The following CNTN5 variants were observed in gnomAD, a reference collection of about 807,000 sequenced individuals.
CNTN5 encodes contactin-5.
A neutral mutation model predicts 129.1 loss-of-function variants in CNTN5; 77 were observed. The ratio of observed to expected loss-of-function variants is 0.60; its 90% CI spans 0.50 to 0.72. CNTN5 has a LOEUF of 0.72. Among genes scored for constraint, CNTN5 ranks in the 30% least tolerant of loss-of-function variants. The pLI is 0.00. For missense variants in CNTN5, 1,478 were observed against 1,328.8 expected (o/e 1.11, Z -1.75); for synonymous variants, 509 against 465.6 (o/e 1.09, Z -1.20).
At chr11:99,678,155 CATT>C (rs1953382203) in intron 3 of CNTN5, among the ~76,000 whole-genome samples, 2 of 152,110 alleles carry the variant, frequency 1.3e-5, no homozygotes, top group South Asian at 4.1e-4. Context: ...TACACACACA[CATT>C]ATAAAAGTAT....
chr11:100,234,565 T>A (rs1949566047), intron 16 of CNTN5, among the ~76,000 whole-genome samples: 1 of 151,368 alleles, frequency 6.6e-6, no homozygotes. Context: ...CACCACATGT[T>A]CTCACTCATA....
chr11:100,177,259 C>T (rs1199437846), intron 13 of CNTN5, among the ~76,000 whole-genome samples: 1 of 152,094 alleles, frequency 6.6e-6, no homozygotes, highest in Non-Finnish European at 1.5e-5. Flanking sequence ...AGTGAGATGT[C>T]AGCTCCTCTG....
intron 21 of CNTN5, among the ~76,000 whole-genome samples, chr11:100,322,228 C>CT (rs1477178718): frequency 0.035 from 4,994 of 144,480 alleles, 295 homozygotes; most frequent in African/African-American, 0.12. Flanking sequence ...GTAATGCCGT[C>CT]TTTTTTTTTT....
chr11:99,473,752 A>C (rs1945265917), intron 2 of CNTN5, among the ~76,000 whole-genome samples: 2 of 152,136 alleles, frequency 1.3e-5, no homozygotes, highest in South Asian at 2.1e-4. Context: ...ATAGTTTCTT[A>C]GTTAGTCTTT....
intron 21 of CNTN5, among the ~76,000 whole-genome samples, chr11:100,336,527 A>G (rs1018193927): frequency 2.0e-5 from 3 of 152,262 alleles, no homozygotes; most frequent in African/African-American, 7.2e-5. Context: ...GTATGAAGAT[A>G]TTAAAATGAT....
intron 1 of CNTN5, among the ~76,000 whole-genome samples, chr11:99,035,387 G>C (rs13377512): frequency 6.6e-6 from 1 of 152,068 alleles, no homozygotes; most frequent in African/African-American, 2.4e-5. Context: ...GTCTCCCACT[G>C]TTAATGCGTG....
At chr11:99,502,424 G>T (rs973454866) in intron 2 of CNTN5, among the ~76,000 whole-genome samples, 1 of 152,020 alleles carries the variant, frequency 6.6e-6, no homozygotes, top group African/African-American at 2.4e-5. Context: ...GGGTTGGGGG[G>T]GTGGTTTCCT....
At chr11:99,458,587 C>A (rs1485440231) in intron 2 of CNTN5, among the ~76,000 whole-genome samples, 1 of 151,956 alleles carries the variant, frequency 6.6e-6, no homozygotes, top group East Asian at 1.9e-4. Context: ...AAATAACTGT[C>A]CACTGATGCT....
At chr11:99,980,031 T>C (rs1416889625) in intron 8 of CNTN5, among the ~76,000 whole-genome samples, 3 of 152,148 alleles carry the variant, frequency 2.0e-5, no homozygotes, top group Non-Finnish European at 2.9e-5. Flanking sequence ...CATATAAGTA[T>C]TGGGTATTAT....
chr11:99,508,686 C>CT (rs1555010964), intron 2 of CNTN5, among the ~76,000 whole-genome samples: 49 of 146,920 alleles, frequency 3.3e-4, no homozygotes, highest in African/African-American at 4.0e-4. Context: ...TCTTTTCTTT[C>CT]TTTTTTTTTT....
intron 3 of CNTN5, among the ~76,000 whole-genome samples, chr11:99,756,392 AG>A (rs1944404826): frequency 6.6e-6 from 1 of 152,144 alleles, no homozygotes; most frequent in Non-Finnish European, 1.5e-5. Context: ...TGCATAGATT[AG>A]CATTGCCTTT....
intron 8 of CNTN5, among the ~76,000 whole-genome samples, chr11:99,960,807 G>A (rs1950921725): frequency 6.6e-6 from 1 of 151,906 alleles, no homozygotes; most frequent in Non-Finnish European, 1.5e-5. Context: ...GTGACTGTAA[G>A]GTCAAGCCTG....
chr11:99,455,392 GA>G (rs1944459288), intron 2 of CNTN5, among the ~76,000 whole-genome samples: 1 of 150,976 alleles, frequency 6.6e-6, no homozygotes, highest in Non-Finnish European at 1.5e-5. Context: ...ATTTAGGAGA[GA>G]AGAATGTATG....
At chr11:99,431,717 A>C (rs1294574763) in intron 2 of CNTN5, among the ~76,000 whole-genome samples, 1 of 152,188 alleles carries the variant, frequency 6.6e-6, no homozygotes, top group Non-Finnish European at 1.5e-5. Flanking sequence ...ATCAATTTGA[A>C]GTTTATTTTG....
intron 3 of CNTN5, among the ~76,000 whole-genome samples, chr11:99,573,172 T>G (rs1232806718): frequency 1.8e-5 from 2 of 110,116 alleles, no homozygotes; most frequent in Non-Finnish European, 4.5e-5. Context: ...CCAAGGAGTG[T>G]TTTTTTTTTT....
At chr11:100,329,729 A>G (rs546872194) in intron 21 of CNTN5, among the ~76,000 whole-genome samples, 9 of 152,282 alleles carry the variant, frequency 5.9e-5, no homozygotes, top group Non-Finnish European at 7.4e-5. Flanking sequence ...AGCAAAAACA[A>G]TAACTATGGT....
At position 100,158,021 on chromosome 11, in the gene CNTN5, G is replaced by GAAGGAAAGGAAAAGGGAGGAA. The variant is rs1947315832; in HGVS notation, c.1581-33102_1581-33082dup. 2.0e-5 allele frequency among the ~76,000 whole-genome samples: 3 copies of GAAGGAAAGGAAAAGGGAGGAA among 151,576 alleles called. No homozygotes were observed. In the Admixed American group the frequency reaches 2.0e-4, roughly 10 times the overall value. ...TGGAGCAGAAAAATTTAAAAAGAGAGAAGGAAAGGAAAAGGGAGGAAAAAA... is the reference window on the plus strand; with the variant it reads ...TGGAGCAGAAAAATTTAAAAAGAGAGAAGGAAAGGAAAAGGGAGGAAAAGGAAAGGAAAAGGGAGGAAAAAA... On this transcript the variant is annotated intron_variant, in intron 13 of 24. Coordinates refer to ENST00000524871, the MANE Select transcript of CNTN5 (RefSeq NM_014361.4).
At chr11:99,067,467 A>C (rs947542895) in intron 1 of CNTN5, among the ~76,000 whole-genome samples, 2 of 150,884 alleles carry the variant, frequency 1.3e-5, no homozygotes, top group Non-Finnish European at 2.9e-5. Context: ...GAAGTCTGAG[A>C]GTAGGAAGAA....
At chr11:99,125,814 T>C (rs1179270871) in intron 1 of CNTN5, among the ~76,000 whole-genome samples, 1 of 152,144 alleles carries the variant, frequency 6.6e-6, no homozygotes, top group Non-Finnish European at 1.5e-5. Context: ...ATATATTCTC[T>C]TAAATGCAAT....
Sources: gnomAD v4.1 joint callset for allele counts (sites outside exome capture counted in the v4.1 genomes callset) on GRCh38, gnomAD v4.1.1 for gene constraint, MANE v1.5 for transcripts, NCBI Gene and HGNC (gene_info 2026-07-23, HGNC 2026-07-21) for gene names.